Variants in KIF21A observed in about 807,000 individuals in gnomAD.
The protein encoded by KIF21A is kinesin-like protein KIF21A.
Under a neutral mutation model 202.9 loss-of-function variants are expected in KIF21A, and 114 were observed. The ratio of observed to expected loss-of-function variants is 0.56; its 90% CI spans 0.48 to 0.66. The LOEUF (loss-of-function observed/expected upper bound fraction) is 0.66. Among genes scored for constraint, KIF21A ranks in the 30% least tolerant of loss-of-function variants. The pLI, the probability that KIF21A is intolerant of heterozygous loss-of-function variation, is 0.00. For synonymous variants in KIF21A, 667 were observed against 670.8 expected, an observed-to-expected ratio of 0.99 and a Z score of 0.09; for missense variants, 1,677 against 1,994.9, an observed-to-expected ratio of 0.84 and a Z score of 3.04.
chr12:39,340,400 G>A (rs1435395933), intron 15 of KIF21A, 36 bp from the exon 16 acceptor site: 2 of 1,467,616 alleles, frequency 1.4e-6, no homozygotes, highest in Admixed American at 1.9e-5. Context: ...ATGTTTTTTT[G>A]TGAGACACAG....
chr12:39,399,099 G>T (rs1299527969), intron 1 of KIF21A, among the ~76,000 whole-genome samples: 1 of 152,022 alleles, frequency 6.6e-6, no homozygotes, highest in Admixed American at 6.6e-5. Flanking sequence ...TGCACCTGTA[G>T]TCCCAGCTAC....
intron 1 of KIF21A, among the ~76,000 whole-genome samples, chr12:39,430,296 T>C (rs1937682884): frequency 2.0e-5 from 3 of 152,010 alleles, no homozygotes; most frequent in African/African-American, 7.2e-5. Context: ...TCAGGTGTGG[T>C]GGCTCACACC....
At position 39,294,388 on chromosome 12, in the gene KIF21A, C is replaced by T. The variant is rs757734637; in HGVS notation, c.*36G>A. The T allele has an allele frequency of 1.9e-5, 28 of 1,442,376 alleles. 1 individual carries two copies. In the South Asian group the frequency reaches 3.1e-4, roughly 16 times the overall value. 89.3% of individuals were successfully genotyped at this position (1,442,376 alleles called of 1,614,324 possible). A position where few individuals can be genotyped will look rare whatever the true frequency, so the allele number is the denominator to read the frequency against. On this transcript the variant is annotated 3_prime_UTR_variant, in exon 38 of 38. Transcript: ENST00000361418. ...TTCCATAAAGAATACAGAGTATTAT[C>T]ACAGCATTCAGTTTACAACCTATCT...
intron 26 of KIF21A, among the ~76,000 whole-genome samples, chr12:39,324,264 G>A (rs965757980): frequency 6.6e-6 from 1 of 152,164 alleles, no homozygotes; most frequent in Non-Finnish European, 1.5e-5. Context: ...CTAGAGCAGA[G>A]ATGAAATTTT....
intron 14 of KIF21A, 85 bp downstream of exon 14, chr12:39,341,420 G>T: frequency 1.5e-6 from 2 of 1,331,046 alleles, no homozygotes; most frequent in Non-Finnish European, 2.1e-6. Context: ...CATCAAGTAT[G>T]AAATAGAGAA....
At chr12:39,416,605 A>ATATATATACGTACATATATATGTG (rs1953620749) in intron 1 of KIF21A, among the ~76,000 whole-genome samples, 2 of 117,438 alleles carry the variant, frequency 1.7e-5, no homozygotes, top group East Asian at 3.1e-4. Flanking sequence ...AAATATACAT[A>ATATATATACGTACATATATATGTG]TATATATATA....
chr12:39,350,056 C>T (rs1948237014), intron 11 of KIF21A, among the ~76,000 whole-genome samples: 1 of 151,890 alleles, frequency 6.6e-6, no homozygotes, highest in Admixed American at 6.6e-5. Context: ...TCTAAGCTAT[C>T]TTTCATTTCT....
chr12:39,441,028 AAGAAAGGAAAGAAGAGAGAAAG>A (rs1291661848), intron 1 of KIF21A, among the ~76,000 whole-genome samples: 3 of 152,068 alleles, frequency 2.0e-5, no homozygotes, highest in African/African-American at 7.2e-5. Flanking sequence ...AAAAAGAAAG[AAGAAAGGAAAGAAGAGAGAAAG>A]AGAAAGGAAA....
intron 1 of KIF21A, among the ~76,000 whole-genome samples, chr12:39,375,681 A>G (rs928921866): frequency 6.6e-6 from 1 of 152,024 alleles, no homozygotes; most frequent in Non-Finnish European, 1.5e-5. Flanking sequence ...ACAAGTAATA[A>G]AAGTCCTTAG....
chr12:39,327,466 T>C (rs1485943852), intron 24 of KIF21A, among the ~76,000 whole-genome samples: 1 of 152,184 alleles, frequency 6.6e-6, no homozygotes, highest in Non-Finnish European at 1.5e-5. Context: ...AATTAGTCAG[T>C]AACATAGAAA....
intron 1 of KIF21A, among the ~76,000 whole-genome samples, chr12:39,436,172 T>C (rs1237804825): frequency 6.6e-6 from 1 of 151,852 alleles, no homozygotes; most frequent in African/African-American, 2.4e-5. Flanking sequence ...GGGATTAAAA[T>C]TGTAGGTTAT....
At position 39,366,289 on chromosome 12, in the gene KIF21A, A is replaced by T. The variant is rs1949598270; in HGVS notation, c.903+61T>A. On this transcript the variant is annotated intron_variant, in intron 6 of 37. Coordinates refer to ENST00000361418, the MANE Select transcript of KIF21A (RefSeq NM_001173464.2). ...TTTCCATATGGATATTATAAATTAC[A>T]AAAGACAAAAGGACAATAGAAAAGC... 3 of 1,460,260 alleles carry T rather than the reference A, an allele frequency of 2.1e-6. No individual in the cohort carries two copies. The East Asian group carries it at 6.8e-5, about 33-fold the overall frequency. 90.5% of individuals were successfully genotyped at this position (1,460,260 alleles called of 1,614,324 possible). A position where few individuals can be genotyped will look rare whatever the true frequency, so the allele number is the denominator to read the frequency against.
At chr12:39,344,651 G>A (rs530245514) in intron 12 of KIF21A, among the ~76,000 whole-genome samples, 32 of 152,120 alleles carry the variant, frequency 2.1e-4, no homozygotes, top group African/African-American at 7.5e-4. Flanking sequence ...AGTCATTCGT[G>A]CCACTTCTGA....
intron 1 of KIF21A, among the ~76,000 whole-genome samples, chr12:39,423,213 A>ATTTT (rs1209511105): frequency 2.6e-5 from 4 of 152,164 alleles, no homozygotes; most frequent in African/African-American, 9.7e-5. Flanking sequence ...AAGGGCTCTC[A>ATTTT]AGTAAGGCTA....
chr12:39,379,319 C>G (rs1950464866), intron 1 of KIF21A, among the ~76,000 whole-genome samples: 1 of 139,432 alleles, frequency 7.2e-6, no homozygotes, highest in African/African-American at 2.9e-5. Flanking sequence ...CAAAGCAAGA[C>G]TCTGTCTAAA....
chr12:39,390,895 T>C (rs565443709), intron 1 of KIF21A, among the ~76,000 whole-genome samples: 22 of 152,250 alleles, frequency 1.4e-4, no homozygotes, highest in African/African-American at 4.8e-4. Flanking sequence ...ACATAGACAG[T>C]TAAGTGCCAG....
intron 1 of KIF21A, among the ~76,000 whole-genome samples, chr12:39,381,902 G>A (rs1024590673): frequency 3.3e-5 from 5 of 152,136 alleles, no homozygotes; most frequent in Admixed American, 2.6e-4. Context: ...TATTTCTGCT[G>A]GACTGCAAGA....
intron 1 of KIF21A, among the ~76,000 whole-genome samples, chr12:39,384,632 C>G (rs1950826979): frequency 6.6e-6 from 1 of 152,098 alleles, no homozygotes. Context: ...TACATTTTTT[C>G]TATTGCTGTG....
At chr12:39,391,737 G>T (rs964277565) in intron 1 of KIF21A, among the ~76,000 whole-genome samples, 2 of 150,144 alleles carry the variant, frequency 1.3e-5, no homozygotes, top group African/African-American at 4.9e-5. Flanking sequence ...AATTTTCGTT[G>T]TTGTTGTTGT....
Sources: allele counts gnomAD v4.1 joint callset (sites outside exome capture counted in the v4.1 genomes callset), GRCh38; gene constraint gnomAD v4.1.1; transcripts MANE v1.5; gene names NCBI Gene and HGNC (gene_info 2026-07-23, HGNC 2026-07-21).